RSF1: variants seen among roughly 807,000 people sequenced by gnomAD.
RSF1 encodes the protein remodeling and spacing factor 1.
In RSF1, 13 loss-of-function variants were observed where a neutral mutation model predicts 145.2. The observed-to-expected ratio is 0.09, with a 90% CI of 0.06 to 0.14. RSF1 has a LOEUF of 0.14. Among genes scored for constraint, RSF1 ranks in the 10% least tolerant of loss-of-function variants. The probability of loss-of-function intolerance (pLI) is 1.00; values close to 1 mark genes in which losing one functional copy is unlikely to be tolerated. For missense variants in RSF1, 1,517 were observed against 1,718.2 expected, an observed-to-expected ratio of 0.88 and a Z score of 2.07; for synonymous variants, 577 against 592.6, an observed-to-expected ratio of 0.97 and a Z score of 0.38.
In RSF1 at chr11:77,676,772, C is replaced by T. The variant is rs777427265; in HGVS notation, c.3341+20G>A. ...TCCTGCTGGTATCTAGGGATCGGGG[C>T]CTAGTAGGAGACCACACACCCATCA... On this transcript the variant is annotated intron_variant, in intron 13 of 15. Transcript: ENST00000308488. 6.2e-7 allele frequency: 1 copy of T among 1,607,384 alleles called. No homozygotes were observed. Among genetic ancestry groups the T allele is most frequent in the Non-Finnish European group, 8.5e-7 (1 of 1,175,480 alleles).
chr11:77,770,550 A>C (rs1785911680), intron 1 of RSF1, among the ~76,000 whole-genome samples: 1 of 152,250 alleles, frequency 6.6e-6, no homozygotes, highest in Non-Finnish European at 1.5e-5. Context: ...TAAATCCAAG[A>C]ATAACTGTTA....
At chr11:77,869,306 C>CTCTTTTTTTTTTTTTTTTTTTT in the RSF1 span, 2 of 120,372 alleles carry the variant, frequency 1.7e-5, no homozygotes, top group Non-Finnish European at 1.8e-5. Flanking sequence ...TTATTTATCT[C>CTCTTTTTTTTTTTTTTTTTTTT]TTTTTCTTTT....
At chr11:77,813,586 A>G (rs1948751142) in intron 1 of RSF1, 7 of 666,860 alleles carry the variant, frequency 1.0e-5, no homozygotes, top group Non-Finnish European at 2.7e-6. Flanking sequence ...TTTTCCAGGG[A>G]TTTTATGTTG....
In RSF1 at chr11:77,737,686, C is replaced by G. The variant is rs563304312; in HGVS notation, c.578+3045G>C. On this transcript the variant is annotated intron_variant, in intron 4 of 15. Coordinates refer to ENST00000308488, the MANE Select transcript of RSF1 (RefSeq NM_016578.4). Reference sequence around the variant, plus strand: ...TGTGTGTTTAAAAAGAGCAGAAGCCCAAGGAACAAAACATGGAGAAATGGT... The same window carrying G: ...TGTGTGTTTAAAAAGAGCAGAAGCCGAAGGAACAAAACATGGAGAAATGGT... Among the ~76,000 whole-genome samples the G allele has an allele frequency of 1.9e-4, 26 of 139,228 alleles. No individual in the cohort carries two copies. In the East Asian group the frequency reaches 5.3e-3, roughly 28 times the overall value. 91.3% of individuals were successfully genotyped at this position (139,228 alleles called of 152,430 possible). A position where few individuals can be genotyped will look rare whatever the true frequency, so the allele number is the denominator to read the frequency against.
Position 77,662,570 on chromosome 11 carries a change from T to C in RSF1, c.*4347A>G, listed in dbSNP as rs1235722589. 1.5e-5 allele frequency: 1 copy of C among 67,888 alleles called. No homozygotes were observed. The allele number at this position is 67,888 out of a possible 1,614,324, so 4.2% of individuals were successfully genotyped here. On this transcript the variant is annotated 3_prime_UTR_variant, in exon 16 of 16. Coordinates refer to ENST00000308488, the MANE Select transcript of RSF1 (RefSeq NM_016578.4). ...AGATAATTTAAGTTGGAGCAAAACATTTTGAAAACAAATTAGTGAACATAT... is the reference window on the plus strand; with the variant it reads ...AGATAATTTAAGTTGGAGCAAAACACTTTGAAAACAAATTAGTGAACATAT...
chr11:77,748,180 A>G (rs1198845960), intron 2 of RSF1, among the ~76,000 whole-genome samples: 1 of 151,934 alleles, frequency 6.6e-6, no homozygotes, highest in East Asian at 1.9e-4. Context: ...AGAATACAAA[A>G]CAAGCAGTAT....
At chr11:77,844,318 CAT>C in the RSF1 span, among the ~76,000 whole-genome samples, 4 of 152,094 alleles carry the variant, frequency 2.6e-5, no homozygotes, top group African/African-American at 9.7e-5. Context: ...AAAGGACACA[CAT>C]ATTAAGTCCA....
intron 1 of RSF1, among the ~76,000 whole-genome samples, chr11:77,781,244 A>G (rs1021073327): frequency 6.6e-6 from 1 of 152,208 alleles, no homozygotes; most frequent in Middle Eastern, 3.4e-3. Context: ...GATTACAGGC[A>G]TGTGCCACCA....
At chr11:77,676,755 G>T (rs1959712523) in intron 13 of RSF1, 37 bp downstream of exon 13, 4 of 1,582,052 alleles carry the variant, frequency 2.5e-6, no homozygotes, top group African/African-American at 1.4e-5. Context: ...GTTCCTGCTG[G>T]TATCTAGGGA....
At chr11:77,773,989 C>A (rs542702486) in intron 1 of RSF1, among the ~76,000 whole-genome samples, 1 of 152,274 alleles carries the variant, frequency 6.6e-6, no homozygotes, top group South Asian at 2.1e-4. Context: ...AACACATGAA[C>A]TAAGTAAAAC....
At chr11:77,779,035 C>G (rs1948376513) in intron 1 of RSF1, among the ~76,000 whole-genome samples, 1 of 152,066 alleles carries the variant, frequency 6.6e-6, no homozygotes, top group South Asian at 2.1e-4. Flanking sequence ...GCATCCACCT[C>G]CCAGGTTCAA....
intron 1 of RSF1, among the ~76,000 whole-genome samples, chr11:77,787,871 T>C (rs997394968): frequency 6.8e-6 from 1 of 148,144 alleles, no homozygotes; most frequent in African/African-American, 2.5e-5. Flanking sequence ...GACTCACACC[T>C]GTAATCCCAG....
chr11:77,671,157 A>ATG (rs1959531434), intron 15 of RSF1, among the ~76,000 whole-genome samples: 4 of 74,740 alleles, frequency 5.4e-5, no homozygotes, highest in African/African-American at 1.4e-4. Flanking sequence ...ATATATATAT[A>ATG]TATATATATA....
intron 1 of RSF1, among the ~76,000 whole-genome samples, chr11:77,793,387 A>G: frequency 6.6e-6 from 1 of 152,212 alleles, no homozygotes; most frequent in Non-Finnish European, 1.5e-5. Context: ...CAGGAGGCTA[A>G]GGCAGAAGAT....
At chr11:77,869,219 T>C in the RSF1 span, 9 of 199,976 alleles carry the variant, frequency 4.5e-5, no homozygotes, top group Admixed American at 1.6e-4. Flanking sequence ...TGGAAGATGG[T>C]TGTTCCAGCC....
chr11:77,837,736 C>G, the RSF1 span, among the ~76,000 whole-genome samples: 4 of 152,060 alleles, frequency 2.6e-5, no homozygotes, highest in African/African-American at 9.7e-5. Flanking sequence ...ACGCCCAGCC[C>G]TCAGGTACTT....
At chr11:77,835,785 G>A in the RSF1 span, among the ~76,000 whole-genome samples, 1 of 152,220 alleles carries the variant, frequency 6.6e-6, no homozygotes, top group East Asian at 1.9e-4. Flanking sequence ...ACCAGGCGTG[G>A]TGGCATGTAC....
intron 1 of RSF1, among the ~76,000 whole-genome samples, chr11:77,798,818 C>T (rs1948598730): frequency 6.6e-6 from 1 of 151,276 alleles, no homozygotes; most frequent in Non-Finnish European, 1.5e-5. Context: ...AAACATCACA[C>T]AACAGGGCTT....
intron 5 of RSF1, among the ~76,000 whole-genome samples, chr11:77,717,395 T>C (rs780904591): frequency 6.6e-6 from 1 of 152,084 alleles, no homozygotes; most frequent in Admixed American, 6.5e-5. Context: ...TTTCTCCAGT[T>C]GTCACCTGGG....
Sources: allele counts gnomAD v4.1 joint callset (sites outside exome capture counted in the v4.1 genomes callset), GRCh38; gene constraint gnomAD v4.1.1; transcripts MANE v1.5; gene names NCBI Gene and HGNC (gene_info 2026-07-23, HGNC 2026-07-21).